DENND1A: variants seen among roughly 807,000 people sequenced by gnomAD.
DENND1A encodes the protein DENN domain-containing protein 1A.
Under a neutral mutation model 113.7 loss-of-function variants are expected in DENND1A, and 51 were observed. The observed-to-expected ratio is 0.45, with a 90% confidence interval of 0.36 to 0.57. The LOEUF (loss-of-function observed/expected upper bound fraction) is 0.57. DENND1A is among the 20% of genes least tolerant of loss of function. The pLI, the probability that DENND1A is intolerant of heterozygous loss-of-function variation, is 0.00. For missense variants in DENND1A, 1,258 were observed against 1,395.9 expected (o/e 0.90, Z 1.57); for synonymous variants, 565 against 570.8 (o/e 0.99, Z 0.14).
intron 1 of DENND1A, among the ~76,000 whole-genome samples, chr9:123,918,830 G>C (rs1412027699): frequency 2.0e-5 from 3 of 152,044 alleles, no homozygotes; most frequent in Non-Finnish European, 4.4e-5. Context: ...ACAGATCAAA[G>C]AGAGATAACC....
intron 13 of DENND1A, among the ~76,000 whole-genome samples, chr9:123,542,858 T>C (rs1204897445): frequency 6.6e-6 from 1 of 152,166 alleles, no homozygotes; most frequent in East Asian, 1.9e-4. Flanking sequence ...TGTCTTCTTT[T>C]GAATTTCAGC....
At chr9:123,536,952 G>GAAC (rs10581266) in intron 13 of DENND1A, among the ~76,000 whole-genome samples, 5 of 151,986 alleles carry the variant, frequency 3.3e-5, no homozygotes, top group Non-Finnish European at 7.4e-5. Flanking sequence ...ACATAAAAAT[G>GAAC]AACAACAACA....
In DENND1A at chr9:123,827,406, T is replaced by C. The variant is rs956775358; in HGVS notation, c.89-34776A>G. The stretch of plus-strand genomic sequence containing the variant: ...AATGGATATATAATATATATATATA[T>C]ATATATATATAGGTGGGAGGAACAC... On this transcript the variant is annotated intron_variant, in intron 2 of 23. Transcript: ENST00000394215. Among the ~76,000 whole-genome samples, 4 of 148,084 alleles carry C rather than the reference T, an allele frequency of 2.7e-5. No homozygotes were observed. The South Asian group carries it at 8.4e-4, about 31-fold the overall frequency.
At chr9:123,838,845 T>C (rs557669485) in intron 2 of DENND1A, among the ~76,000 whole-genome samples, 2 of 152,296 alleles carry the variant, frequency 1.3e-5, no homozygotes, top group South Asian at 4.1e-4. Flanking sequence ...ACCCTCCCAC[T>C]GTTTCCTCAG....
chr9:123,621,892 T>C (rs1033455653), intron 10 of DENND1A, among the ~76,000 whole-genome samples: 1 of 152,206 alleles, frequency 6.6e-6, no homozygotes, highest in African/African-American at 2.4e-5. Flanking sequence ...CCATCGCCTA[T>C]GTGGACTGTG....
At chr9:123,654,149 A>G (rs2062814409) in intron 8 of DENND1A, among the ~76,000 whole-genome samples, 1 of 152,198 alleles carries the variant, frequency 6.6e-6, no homozygotes, top group Admixed American at 6.5e-5. Flanking sequence ...TAATGATGTA[A>G]GGGTGGGGTT....
chr9:123,492,815 CTT>C (rs2051498344), intron 13 of DENND1A: 1 of 152,180 alleles, frequency 6.6e-6, no homozygotes, highest in African/African-American at 2.4e-5. Context: ...AACATCGTCT[CTT>C]TGTTTGAGGA....
intron 5 of DENND1A, among the ~76,000 whole-genome samples, chr9:123,749,081 C>G (rs1405158750): frequency 6.6e-6 from 1 of 152,184 alleles, no homozygotes; most frequent in East Asian, 1.9e-4. Context: ...TCCAGCTGGC[C>G]TTGGGCTCAT....
intron 5 of DENND1A, among the ~76,000 whole-genome samples, chr9:123,746,530 T>C (rs1432672298): frequency 6.6e-6 from 1 of 152,190 alleles, no homozygotes; most frequent in East Asian, 1.9e-4. Flanking sequence ...TTGCAGAATA[T>C]ATACCAGTTG....
chr9:123,814,039 C>G (rs1015594359), intron 2 of DENND1A, among the ~76,000 whole-genome samples: 3 of 152,128 alleles, frequency 2.0e-5, no homozygotes, highest in Admixed American at 2.0e-4. Context: ...TGTATAACTA[C>G]TTACAGATTT....
At chr9:123,657,352 G>A (rs1333992912) in intron 8 of DENND1A, among the ~76,000 whole-genome samples, 2 of 151,462 alleles carry the variant, frequency 1.3e-5, no homozygotes, top group Non-Finnish European at 2.9e-5. Flanking sequence ...GGGGACTTGA[G>A]GCTCACTGTG....
intron 18 of DENND1A, among the ~76,000 whole-genome samples, chr9:123,446,666 A>C (rs2047328909): frequency 6.6e-6 from 1 of 152,140 alleles, no homozygotes; most frequent in African/African-American, 2.4e-5. Flanking sequence ...CCCTAAAAAA[A>C]ATTAGCCAGG....
intron 18 of DENND1A, 99 bp from the exon 19 acceptor site, chr9:123,440,590 T>C (rs1470921149): frequency 7.1e-7 from 1 of 1,405,726 alleles, no homozygotes; most frequent in African/African-American, 1.5e-5. Flanking sequence ...ACTCTCTCCG[T>C]GACATTCTGA....
Position 123,557,708 on chromosome 9 carries a change from A to G in DENND1A, c.868-13T>C, listed in dbSNP as rs765604691. The G allele has an allele frequency of 2.0e-5, 32 of 1,613,068 alleles. No individual in the cohort carries two copies. In the South Asian group the frequency reaches 3.2e-4, roughly 16 times the overall value. ...TCAGGGAAGAGATCTGGTGATGGAG[A>G]GAAGGAAAACACAGGTTGAGGACAG... On this transcript the variant is annotated splice_polypyrimidine_tract_variant and intron_variant, in intron 12 of 23. Transcript: ENST00000394215.
chr9:123,393,058 T>C (rs1318519082), intron 21 of DENND1A, among the ~76,000 whole-genome samples: 1 of 152,260 alleles, frequency 6.6e-6, no homozygotes, highest in African/African-American at 2.4e-5. Context: ...ATCCACTTGC[T>C]GATTGATGGG....
At chr9:123,792,449 T>G (rs1256728939) in intron 3 of DENND1A, 138 bp downstream of exon 3, 14 of 849,252 alleles carry the variant, frequency 1.6e-5, no homozygotes, top group African/African-American at 3.5e-5. Flanking sequence ...TTTTACTTTT[T>G]GTCTTTGGTT....
chr9:123,895,909 A>C (rs1481132932), intron 1 of DENND1A, among the ~76,000 whole-genome samples: 1 of 152,122 alleles, frequency 6.6e-6, no homozygotes, highest in East Asian at 1.9e-4. Flanking sequence ...TACACATCTC[A>C]GGAACTGTCA....
At chr9:123,553,283 A>AT (rs997868380) in intron 13 of DENND1A, among the ~76,000 whole-genome samples, 10 of 151,432 alleles carry the variant, frequency 6.6e-5, no homozygotes, top group East Asian at 1.9e-4. Flanking sequence ...TAGTAAAATA[A>AT]TTTTTTTTTA....
intron 1 of DENND1A, among the ~76,000 whole-genome samples, chr9:123,904,901 A>C (rs964360445): frequency 1.3e-5 from 2 of 152,166 alleles, no homozygotes; most frequent in African/African-American, 4.8e-5. Context: ...AAGACACATA[A>C]TTGTCAGATT....
Sources: gnomAD v4.1 joint callset for allele counts (sites outside exome capture counted in the v4.1 genomes callset) on GRCh38, gnomAD v4.1.1 for gene constraint, MANE v1.5 for transcripts, NCBI Gene and HGNC (gene_info 2026-07-23, HGNC 2026-07-21) for gene names.